OR14A16: variants seen among roughly 807,000 people sequenced by gnomAD.
OR14A16 encodes olfactory receptor 14A16.
For missense variants in OR14A16, 341 were observed against 366.5 expected, an observed-to-expected ratio of 0.93 and a Z score of 0.57; for synonymous variants, 135 against 137.6, an observed-to-expected ratio of 0.98 and a Z score of 0.13.
intron 2 of OR14A16, among the ~76,000 whole-genome samples, chr1:247,817,303 T>G (rs1383672102): frequency 1.3e-5 from 2 of 152,196 alleles, no homozygotes; most frequent in African/African-American, 4.8e-5. Flanking sequence ...TGATATAAAC[T>G]AATTTTAATC....
intron 2 of OR14A16, among the ~76,000 whole-genome samples, chr1:247,816,130 T>A (rs926303962): frequency 6.6e-6 from 1 of 152,192 alleles, no homozygotes; most frequent in Non-Finnish European, 1.5e-5. Context: ...CATTGTACCA[T>A]AGTCTTGCTC....
rs1302684269 is a variant in OR14A16, at chr1:247,815,426, A to G, written c.304T>C (p.Leu102=). The G allele has an allele frequency of 3.7e-6, 6 of 1,613,908 alleles. No homozygotes were observed. Among genetic ancestry groups the G allele is most frequent in the Non-Finnish European group, 4.2e-6 (5 of 1,180,034 alleles). The change falls in exon 3 of 3, where the codon TTG becomes CTG. Residue 102 remains leucine, a synonymous_variant. Transcript: ENST00000641093. ...FLGCVSQVFL[L]LSSASAELLL... ...AGCTCTGCAGATGCTGAAGAAAGCA[A>G]CAAAAAGACCTGGGAAACACAGCCA...
At chr1:247,823,448 C>G (rs1188655852) in intron 1 of OR14A16, among the ~76,000 whole-genome samples, 1 of 152,092 alleles carries the variant, frequency 6.6e-6, no homozygotes, top group Non-Finnish European at 1.5e-5. Context: ...ACTCACTGAG[C>G]CATGATCATG....
At chr1:247,816,366 A>G (rs1384263541) in intron 2 of OR14A16, among the ~76,000 whole-genome samples, 10 of 152,336 alleles carry the variant, frequency 6.6e-5, no homozygotes, top group Non-Finnish European at 2.9e-5. Flanking sequence ...TTAACACCAT[A>G]ATTTGCAATC....
At chr1:247,818,111 A>G (rs1662662011) in intron 2 of OR14A16, among the ~76,000 whole-genome samples, 1 of 152,108 alleles carries the variant, frequency 6.6e-6, no homozygotes, top group Admixed American at 6.5e-5. Flanking sequence ...AATCCAGACA[A>G]ATTTTAACCC....
At position 247,815,487 on chromosome 1, in the gene OR14A16, G is replaced by T; in HGVS notation, c.243C>A (p.Ala81=). Residue 81 remains alanine, a synonymous_variant, in exon 3 of 3, where the codon GCC becomes GCA. Coordinates refer to ENST00000641093, the MANE Select transcript of OR14A16 (RefSeq NM_001001966.2). ...LISVTAPKSI[A]NSLIHNNSIS... is the part of the protein sequence containing the mutation. ...TGGAGTTGTTGTGTATCAAAGAATTGGCGATAGATTTGGGAGCCGTGACTG... is the reference window on the plus strand; with the variant it reads ...TGGAGTTGTTGTGTATCAAAGAATTTGCGATAGATTTGGGAGCCGTGACTG... 1 of 1,614,046 alleles carries T rather than the reference G, an allele frequency of 6.2e-7. No individual in the cohort carries two copies. The highest frequency in any genetic ancestry group is 1.1e-5 in the South Asian group (1 of 91,076).
rs61734861 is a variant in OR14A16, at chr1:247,815,134, A to C, written c.596T>G (p.Leu199Arg). ...ENLIREIALI[L>R]INVVLDFCCF... ...GCAGAAATCCAAAACTACATTAATA[A>C]GGATGAGTGCAATTTCTCTTATTAA... Residue 199 changes from leucine (L) to arginine (R), a missense_variant, in exon 3 of 3, where the codon CTT (leucine) becomes CGT (arginine). Transcript: ENST00000641093. 1,763 of 1,612,892 alleles carry C rather than the reference A, an allele frequency of 1.1e-3. 17 individuals carry two copies. The African/African-American group carries it at 0.021, about 19-fold the overall frequency.
intron 2 of OR14A16, among the ~76,000 whole-genome samples, chr1:247,817,319 GAA>G (rs1444221200): frequency 6.6e-6 from 1 of 152,006 alleles, no homozygotes. Flanking sequence ...TAATCTGTTA[GAA>G]AAAAAACCCA....
chr1:247,814,928 C>T lies in OR14A16; in HGVS notation c.802G>A (p.Asp268Asn), dbSNP rs1002086000. 6.2e-7 allele frequency: 1 copy of T among 1,613,820 alleles called. No individual in the cohort carries two copies. Among genetic ancestry groups the T allele is most frequent in the Non-Finnish European group, 8.5e-7 (1 of 1,179,944 alleles). ...GTGTAGAACACAGAAATTACAGCAT[C>T]CAAAATAGAAGGAGACTCTGAAGCT... is the stretch of plus-strand genomic sequence containing the variant. The part of the protein sequence containing the change: ...KPASESPSIL[D>N]AVISVFYTML... The change falls in exon 3 of 3, where the codon GAT (aspartate) becomes AAT (asparagine). Residue 268 changes from aspartate (D) to asparagine (N), a missense_variant. Coordinates refer to ENST00000641093, the MANE Select transcript of OR14A16 (RefSeq NM_001001966.2).
intron 1 of OR14A16, among the ~76,000 whole-genome samples, chr1:247,821,281 G>T (rs1662735362): frequency 6.6e-6 from 1 of 152,200 alleles, no homozygotes; most frequent in Non-Finnish European, 1.5e-5. Context: ...GGTCCATCTG[G>T]TCTAAAGTGT....
At chr1:247,822,766 G>C (rs546181091) in intron 1 of OR14A16, among the ~76,000 whole-genome samples, 1 of 152,188 alleles carries the variant, frequency 6.6e-6, no homozygotes, top group South Asian at 2.1e-4. Flanking sequence ...AATCTGACTA[G>C]GCTCTCAGTT....
At position 247,815,195 on chromosome 1, in the gene OR14A16, T is replaced by C. The variant is rs770231134; in HGVS notation, c.535A>G (p.Ile179Val). 6 of 1,613,458 alleles carry C rather than the reference T, an allele frequency of 3.7e-6. No individual in the cohort carries two copies. The highest frequency in any genetic ancestry group is 1.7e-6 in the Non-Finnish European group (2 of 1,179,784). ...SNMVHQFFCD[I>V]PQLLAISCSE... is the part of the protein sequence containing the mutation. ...CAAGAAATAGCTAATAACTGGGGAATGTCACAGAAGAACTGATGGACCATG... is the reference window on the plus strand; with the variant it reads ...CAAGAAATAGCTAATAACTGGGGAACGTCACAGAAGAACTGATGGACCATG... The change falls in exon 3 of 3, where the codon ATT (isoleucine) becomes GTT (valine). Residue 179 changes from isoleucine to valine, a missense_variant. Transcript: ENST00000641093.
At chr1:247,822,832 T>C (rs1031887039) in intron 1 of OR14A16, among the ~76,000 whole-genome samples, 1 of 152,160 alleles carries the variant, frequency 6.6e-6, no homozygotes, top group Non-Finnish European at 1.5e-5. Context: ...ACTGAACTTA[T>C]CAATAGCTGA....
At chr1:247,822,832 T>G (rs1031887039) in intron 1 of OR14A16, among the ~76,000 whole-genome samples, 1 of 152,160 alleles carries the variant, frequency 6.6e-6, no homozygotes, top group Non-Finnish European at 1.5e-5. Flanking sequence ...ACTGAACTTA[T>G]CAATAGCTGA....
At chr1:247,819,000 T>C (rs1343270943) in intron 2 of OR14A16, 63 bp downstream of exon 2, 1 of 151,080 alleles carries the variant, frequency 6.6e-6, no homozygotes, top group Non-Finnish European at 1.5e-5. Context: ...CCCACAAAAG[T>C]TAAAAATAAA....
chr1:247,818,356 T>C (rs1053666849), intron 2 of OR14A16, among the ~76,000 whole-genome samples: 1 of 152,154 alleles, frequency 6.6e-6, no homozygotes, highest in Non-Finnish European at 1.5e-5. Flanking sequence ...AAAATAAAAC[T>C]ACCATATGAT....
intron 2 of OR14A16, among the ~76,000 whole-genome samples, 194 bp downstream of exon 2, chr1:247,818,869 T>C (rs1439046551): frequency 1.3e-5 from 2 of 152,152 alleles, no homozygotes; most frequent in South Asian, 2.1e-4. Context: ...GGAATGTTCC[T>C]AACACAAATT....
intron 2 of OR14A16, 39 bp from the exon 3 acceptor site, chr1:247,815,783 TC>T (rs1662610819): frequency 1.2e-6 from 1 of 826,178 alleles, no homozygotes; most frequent in Admixed American, 2.3e-5. Context: ...AATATCAATG[TC>T]CACTCTTTAA....
rs1423103983 is a variant in OR14A16, at chr1:247,822,319, G to A, written c.-131+1634C>T. Among the ~76,000 whole-genome samples, 4 of 130,278 alleles carry A rather than the reference G, an allele frequency of 3.1e-5. 1 individual carries two copies. The highest frequency in any genetic ancestry group is 1.1e-4 in the African/African-American group (4 of 35,724). 85.5% of individuals were successfully genotyped at this position (130,278 alleles called of 152,430 possible). A position where few individuals can be genotyped will look rare whatever the true frequency, so the allele number is the denominator to read the frequency against. On this transcript the variant is annotated intron_variant, in intron 1 of 2. Coordinates refer to ENST00000641093, the MANE Select transcript of OR14A16 (RefSeq NM_001001966.2). ...GCTGGGGTGTGTGTGTGTGGCGGGG[G>A]GGGAGGGTGGGGATGCTGGCGAAAA...
Sources: gnomAD v4.1 joint callset for allele counts (sites outside exome capture counted in the v4.1 genomes callset) on GRCh38, gnomAD v4.1.1 for gene constraint, MANE v1.5 for transcripts, NCBI Gene and HGNC (gene_info 2026-07-23, HGNC 2026-07-21) for gene names.